DOCK4: variants seen among roughly 807,000 people sequenced by gnomAD.
DOCK4 encodes dedicator of cytokinesis protein 4.
In DOCK4, 97 loss-of-function variants were observed where a neutral mutation model predicts 268.1. The observed-to-expected ratio is 0.36, with a 90% CI of 0.31 to 0.43. DOCK4 has a LOEUF of 0.43. Among genes scored for constraint, DOCK4 ranks in the 20% least tolerant of loss-of-function variants. The pLI is 1.00. For missense variants in DOCK4, 2,145 were observed against 2,455.7 expected (o/e 0.87, Z 2.67); for synonymous variants, 954 against 887.2 (o/e 1.08, Z -1.34).
intron 7 of DOCK4, among the ~76,000 whole-genome samples, chr7:111,978,742 T>C (rs1392946005): frequency 1.3e-5 from 2 of 152,206 alleles, no homozygotes; most frequent in Non-Finnish European, 2.9e-5. Context: ...ACAATAAAAA[T>C]GCCATGGCAA....
intron 1 of DOCK4, among the ~76,000 whole-genome samples, chr7:112,160,648 G>A (rs756419892): frequency 8.5e-5 from 13 of 152,280 alleles, no homozygotes; most frequent in Non-Finnish European, 1.9e-4. Context: ...TCCTTAAGCA[G>A]GCACCCCCAC....
chr7:112,059,544 A>G (rs533284438), intron 1 of DOCK4, among the ~76,000 whole-genome samples: 6 of 152,232 alleles, frequency 3.9e-5, no homozygotes, highest in Non-Finnish European at 7.3e-5. Context: ...TATTCATCCT[A>G]TATTTCCCTC....
At chr7:112,176,178 G>A (rs1256269857) in intron 1 of DOCK4, among the ~76,000 whole-genome samples, 1 of 152,210 alleles carries the variant, frequency 6.6e-6, no homozygotes, top group East Asian at 1.9e-4. Flanking sequence ...GAACAGGGGT[G>A]TGTGGAAGAC....
chr7:111,832,151 T>C (rs143400446), intron 26 of DOCK4, among the ~76,000 whole-genome samples: 1 of 152,314 alleles, frequency 6.6e-6, no homozygotes, highest in African/African-American at 2.4e-5. Context: ...GTGTGCTGTG[T>C]CAGTCGGGGC....
intron 1 of DOCK4, among the ~76,000 whole-genome samples, chr7:112,092,119 C>A (rs890520852): frequency 6.6e-6 from 1 of 152,146 alleles, no homozygotes; most frequent in Non-Finnish European, 1.5e-5. Flanking sequence ...CCCACACCCC[C>A]ACCCAGGCTG....
At chr7:111,864,195 A>G (rs1035168444) in intron 22 of DOCK4, among the ~76,000 whole-genome samples, 1 of 151,704 alleles carries the variant, frequency 6.6e-6, no homozygotes, top group African/African-American at 2.4e-5. Flanking sequence ...TTCAAGATCT[A>G]TTTTAAACCA....
At chr7:111,872,393 A>G in intron 18 of DOCK4, 41 bp from the exon 19 acceptor site, 3 of 1,526,228 alleles carry the variant, frequency 2.0e-6, no homozygotes, top group Non-Finnish European at 2.7e-6. Context: ...ATAAGATACT[A>G]TCTGTCTTTT....
At chr7:112,012,769 C>T (rs2135369499) in intron 1 of DOCK4, among the ~76,000 whole-genome samples, 1 of 152,080 alleles carries the variant, frequency 6.6e-6, no homozygotes, top group South Asian at 2.1e-4. Flanking sequence ...ATTAAGTTTG[C>T]TGACTTTTTG....
At chr7:111,885,770 C>G (rs1188690952) in intron 16 of DOCK4, among the ~76,000 whole-genome samples, 1 of 152,176 alleles carries the variant, frequency 6.6e-6, no homozygotes, top group Non-Finnish European at 1.5e-5. Context: ...CCTTGCTTTA[C>G]TATACTTGGA....
intron 1 of DOCK4, among the ~76,000 whole-genome samples, chr7:112,164,625 A>G (rs1042402690): frequency 3.3e-5 from 5 of 152,144 alleles, no homozygotes; most frequent in African/African-American, 1.2e-4. Flanking sequence ...CATCTCTCCA[A>G]TCTTAGAATT....
At chr7:111,826,134 C>G (rs1802369343) in intron 26 of DOCK4, among the ~76,000 whole-genome samples, 1 of 152,108 alleles carries the variant, frequency 6.6e-6, no homozygotes, top group East Asian at 1.9e-4. Flanking sequence ...AATCTAAAAA[C>G]CACACAGATA....
At chr7:112,205,629 C>A (rs1403447441) in intron 1 of DOCK4, among the ~76,000 whole-genome samples, 2 of 152,144 alleles carry the variant, frequency 1.3e-5, no homozygotes, top group Non-Finnish European at 2.9e-5. Flanking sequence ...AGGGTTTGCG[C>A]CTCCCTACTG....
At chr7:111,943,770 G>A (rs1795386072) in intron 10 of DOCK4, among the ~76,000 whole-genome samples, 1 of 152,020 alleles carries the variant, frequency 6.6e-6, no homozygotes, top group Non-Finnish European at 1.5e-5. Context: ...AGCATAAAAT[G>A]AAAACAGGTT....
At chr7:112,040,723 T>C (rs1158419309) in intron 1 of DOCK4, among the ~76,000 whole-genome samples, 1 of 151,988 alleles carries the variant, frequency 6.6e-6, no homozygotes, top group Non-Finnish European at 1.5e-5. Flanking sequence ...TTTCAATAAA[T>C]AGGTAGATGC....
intron 11 of DOCK4, among the ~76,000 whole-genome samples, chr7:111,939,022 A>G (rs985296531): frequency 1.3e-5 from 2 of 151,360 alleles, no homozygotes; most frequent in South Asian, 2.1e-4. Context: ...ACCCAGAGAA[A>G]GCCATGAACA....
In DOCK4 at chr7:111,838,658, AATAG is replaced by A. The variant is rs564608817; in HGVS notation, c.2737-3976_2737-3973del. 1.2e-3 allele frequency among the ~76,000 whole-genome samples: 188 copies of A among 152,274 alleles called. 1 individual carries two copies. The highest frequency in any genetic ancestry group is 4.4e-3 in the African/African-American group (181 of 41,564). ...TAAAAAATGTAAACTTATGTACAGT[AATAG>A]ATAAGTTACTACAAAAAGCAGGTCA... On this transcript the variant is annotated intron_variant, in intron 25 of 52. Coordinates refer to ENST00000428084, the MANE Select transcript of DOCK4 (RefSeq NM_001363540.2).
chr7:111,763,656 C>T (rs569231110), intron 39 of DOCK4, among the ~76,000 whole-genome samples: 67 of 152,188 alleles, frequency 4.4e-4, no homozygotes, highest in Admixed American at 7.2e-4. Context: ...CAGAGGGAGA[C>T]GACCTACTGT....
intron 1 of DOCK4, among the ~76,000 whole-genome samples, chr7:112,097,913 A>C (rs949626418): frequency 6.6e-6 from 1 of 152,204 alleles, no homozygotes; most frequent in African/African-American, 2.4e-5. Flanking sequence ...TGTGTGTTTC[A>C]GCATCAACAA....
chr7:111,944,465 C>T (rs1019087892), intron 10 of DOCK4, among the ~76,000 whole-genome samples: 3 of 152,156 alleles, frequency 2.0e-5, no homozygotes, highest in Non-Finnish European at 2.9e-5. Flanking sequence ...GGAAACTCAG[C>T]TCTGAAAAAT....
Sources: gnomAD v4.1 joint callset for allele counts (sites outside exome capture counted in the v4.1 genomes callset) on GRCh38, gnomAD v4.1.1 for gene constraint, MANE v1.5 for transcripts, NCBI Gene and HGNC (gene_info 2026-07-23, HGNC 2026-07-21) for gene names.